Variants in PTPRT observed in about 807,000 individuals in gnomAD.
The protein encoded by PTPRT is receptor-type tyrosine-protein phosphatase T.
In PTPRT, 56 loss-of-function variants were observed where a neutral mutation model predicts 176.8. That is an observed-to-expected ratio of 0.32 (90% CI 0.26 to 0.40). PTPRT has a LOEUF of 0.40. Ranked by LOEUF, PTPRT falls within the 10% of genes least tolerant of loss-of-function variation. The pLI, the probability that PTPRT is intolerant of heterozygous loss-of-function variation, is 1.00. For synonymous variants in PTPRT, 783 were observed against 739.0 expected, an observed-to-expected ratio of 1.06 and a Z score of -0.96; for missense variants, 1,540 against 1,908.2, an observed-to-expected ratio of 0.81 and a Z score of 3.60.
chr20:42,871,953 T>C (rs1379881224), intron 2 of PTPRT, among the ~76,000 whole-genome samples: 1 of 152,222 alleles, frequency 6.6e-6, no homozygotes, highest in East Asian at 1.9e-4. Context: ...CTATAGGTCT[T>C]ATTTTAACCT....
rs181666118 is a variant in PTPRT, at chr20:42,172,012, C to A, written c.2492-10470G>T. 2.0e-4 allele frequency among the ~76,000 whole-genome samples: 31 copies of A among 152,016 alleles called. No homozygotes were observed. In the East Asian group the frequency reaches 4.5e-3, roughly 22 times the overall value. On this transcript the variant is annotated intron_variant, in intron 16 of 30. Transcript: ENST00000373187. ...AGTCATCATACACAGAAAAATACACCTCTCAAGAATTGAAAATAATAAAAC... is the reference window on the plus strand; with the variant it reads ...AGTCATCATACACAGAAAAATACACATCTCAAGAATTGAAAATAATAAAAC...
At chr20:42,124,073 C>A (rs1987730083) in intron 19 of PTPRT, among the ~76,000 whole-genome samples, 2 of 152,268 alleles carry the variant, frequency 1.3e-5, no homozygotes, top group Middle Eastern at 3.4e-3. Flanking sequence ...AGTAAAGAGA[C>A]CCTCCTTGGC....
intron 1 of PTPRT, among the ~76,000 whole-genome samples, chr20:42,917,998 G>A (rs189165618): frequency 6.6e-6 from 1 of 152,146 alleles, no homozygotes; most frequent in South Asian, 2.1e-4. Context: ...TCCCAGAGGT[G>A]CATCTCTCTG....
chr20:42,266,468 C>G (rs1392888632), intron 13 of PTPRT, among the ~76,000 whole-genome samples: 1 of 152,174 alleles, frequency 6.6e-6, no homozygotes, highest in Non-Finnish European at 1.5e-5. Flanking sequence ...TCTTTCTGCA[C>G]TGGTGGGCCT....
intron 3 of PTPRT, among the ~76,000 whole-genome samples, chr20:42,787,156 C>T (rs907028422): frequency 6.6e-6 from 1 of 152,168 alleles, no homozygotes; most frequent in Non-Finnish European, 1.5e-5. Flanking sequence ...TTTGCCTTAT[C>T]TACAAAATGA....
chr20:42,885,000 A>G (rs910178411), intron 2 of PTPRT, among the ~76,000 whole-genome samples: 5 of 152,066 alleles, frequency 3.3e-5, no homozygotes, highest in Non-Finnish European at 5.9e-5. Flanking sequence ...CCCCTGAAAC[A>G]TATCAGGTGT....
intron 1 of PTPRT, among the ~76,000 whole-genome samples, chr20:43,159,619 C>CA (rs1041340693): frequency 1.3e-5 from 2 of 152,216 alleles, no homozygotes; most frequent in Non-Finnish European, 2.9e-5. Context: ...TACTTGCTCA[C>CA]AAGCCACACA....
chr20:43,120,751 C>T (rs2013229535), intron 1 of PTPRT, among the ~76,000 whole-genome samples: 1 of 152,224 alleles, frequency 6.6e-6, no homozygotes, highest in Non-Finnish European at 1.5e-5. Context: ...CTTCCAGCCA[C>T]TGCCAGTCTT....
intron 7 of PTPRT, among the ~76,000 whole-genome samples, chr20:42,676,480 G>T (rs570489308): frequency 1.3e-5 from 2 of 151,864 alleles, no homozygotes; most frequent in African/African-American, 4.8e-5. Context: ...AACCCATGCT[G>T]CCTGCTCCCC....
intron 1 of PTPRT, among the ~76,000 whole-genome samples, chr20:43,005,955 T>G (rs984466733): frequency 6.6e-6 from 1 of 152,110 alleles, no homozygotes; most frequent in Admixed American, 6.5e-5. Context: ...AGTTGATATA[T>G]AGGATGGAAT....
chr20:42,172,457 A>G lies in PTPRT; in HGVS notation c.2492-10915T>C, dbSNP rs1006426181. On this transcript the variant is annotated intron_variant, in intron 16 of 30. Transcript: ENST00000373187. ...AATGACCAGAGAAGCCCTGAGACAC[A>G]TCTCAAGACTCTGATGGACGTGGTC... Among the ~76,000 whole-genome samples, 65 of 152,348 alleles carry G rather than the reference A, an allele frequency of 4.3e-4. 1 individual carries two copies. The highest frequency in any genetic ancestry group is 1.3e-3 in the African/African-American group (55 of 41,588).
intron 1 of PTPRT, among the ~76,000 whole-genome samples, chr20:43,159,541 T>C (rs1197203350): frequency 6.6e-6 from 1 of 152,216 alleles, no homozygotes; most frequent in Admixed American, 6.5e-5. Flanking sequence ...GCCTGCCACA[T>C]GGAATTTCAA....
chr20:43,162,175 A>T (rs984657447), intron 1 of PTPRT, among the ~76,000 whole-genome samples: 1 of 151,942 alleles, frequency 6.6e-6, no homozygotes, highest in Non-Finnish European at 1.5e-5. Context: ...TCCACAACTG[A>T]CTCTCGATGG....
At chr20:42,658,027 C>A (rs889222975) in intron 7 of PTPRT, among the ~76,000 whole-genome samples, 6 of 151,808 alleles carry the variant, frequency 4.0e-5, no homozygotes, top group Admixed American at 3.3e-4. Context: ...GCCAAAGAAC[C>A]CAAATGTATG....
intron 1 of PTPRT, among the ~76,000 whole-genome samples, chr20:43,051,674 T>C (rs77964671): frequency 0.024 from 3,482 of 145,338 alleles, 154 homozygotes; most frequent in African/African-American, 0.085. Context: ...TATTATTTTA[T>C]AAATCAAATT....
At chr20:43,128,552 A>G (rs967401789) in intron 1 of PTPRT, among the ~76,000 whole-genome samples, 1 of 152,244 alleles carries the variant, frequency 6.6e-6, no homozygotes, top group South Asian at 2.1e-4. Context: ...AGAAGGCAGA[A>G]CAGCACTTCC....
At chr20:42,253,330 TG>T (rs1165305728) in intron 13 of PTPRT, among the ~76,000 whole-genome samples, 3 of 152,172 alleles carry the variant, frequency 2.0e-5, no homozygotes, top group Non-Finnish European at 2.9e-5. Flanking sequence ...GAAGGCTATC[TG>T]TCTGACTCAG....
At chr20:42,896,363 G>A (rs114085782) in intron 1 of PTPRT, among the ~76,000 whole-genome samples, 4,917 of 152,180 alleles carry the variant, frequency 0.032, 231 homozygotes, top group African/African-American at 0.093. Context: ...GGTGCCAGGC[G>A]CGATGGCTCA....
At chr20:42,352,747 AATTGCTTGAGGGGATGGACACCCC>A (rs2058303816) in intron 9 of PTPRT, among the ~76,000 whole-genome samples, 2 of 152,318 alleles carry the variant, frequency 1.3e-5, no homozygotes, top group African/African-American at 4.8e-5. Flanking sequence ...CAGAGAAGAT[AATTGCTTGAGGGGATGGACACCCC>A]ATCTATCGAG....
Sources: allele counts gnomAD v4.1 joint callset (sites outside exome capture counted in the v4.1 genomes callset), GRCh38; gene constraint gnomAD v4.1.1; transcripts MANE v1.5; gene names NCBI Gene and HGNC (gene_info 2026-07-23, HGNC 2026-07-21).